FCHSD2: variants seen among roughly 807,000 people sequenced by gnomAD.
FCHSD2 encodes the protein F-BAR and double SH3 domains protein 2.
FCHSD2 carries 38 observed loss-of-function variants against 108.1 expected under a neutral mutation model. That is an observed-to-expected ratio of 0.35 (90% CI 0.27 to 0.46). FCHSD2 has a LOEUF of 0.46. FCHSD2 is among the 20% of genes least tolerant of loss of function. The pLI is 1.00. For synonymous variants in FCHSD2, 279 were observed against 314.7 expected, an observed-to-expected ratio of 0.89 and a Z score of 1.20; for missense variants, 751 against 897.8, an observed-to-expected ratio of 0.84 and a Z score of 2.09.
At chr11:72,999,870 CACACACACACACACACAA>C (rs1246403450) in intron 5 of FCHSD2, among the ~76,000 whole-genome samples, 25 of 16,658 alleles carry the variant, frequency 1.5e-3, no homozygotes, top group Non-Finnish European at 6.2e-3. Context: ...CAATCAGACA[CACACACACACACACACAA>C]ACACACACAC....
chr11:73,044,855 G>A (rs1033619974), intron 3 of FCHSD2, among the ~76,000 whole-genome samples: 2 of 152,128 alleles, frequency 1.3e-5, no homozygotes, highest in African/African-American at 4.8e-5. Flanking sequence ...TGGATCACGA[G>A]GTCAGGAGAT....
chr11:72,887,113 ATT>A (rs1462229874), intron 12 of FCHSD2, among the ~76,000 whole-genome samples: 3 of 151,538 alleles, frequency 2.0e-5, no homozygotes, highest in African/African-American at 7.3e-5. Flanking sequence ...CTCCATAGAT[ATT>A]GATATATAAG....
chr11:73,070,754 A>G (rs1268214527), intron 3 of FCHSD2, among the ~76,000 whole-genome samples: 1 of 152,004 alleles, frequency 6.6e-6, no homozygotes. Context: ...AAAAAAAGAA[A>G]TTGAACAAGT....
chr11:72,869,575 T>C (rs1437922214), intron 12 of FCHSD2: 1 of 152,168 alleles, frequency 6.6e-6, no homozygotes, highest in Non-Finnish European at 1.5e-5. Context: ...AATTTGTGTG[T>C]CATCCTTGCA....
intron 5 of FCHSD2, among the ~76,000 whole-genome samples, chr11:72,989,951 G>C (rs1431052364): frequency 6.6e-6 from 1 of 152,210 alleles, no homozygotes; most frequent in East Asian, 1.9e-4. Context: ...AGGGTGAATA[G>C]TGTGGAGGAG....
At chr11:73,088,645 C>T (rs1859881944) in intron 2 of FCHSD2, among the ~76,000 whole-genome samples, 1 of 152,048 alleles carries the variant, frequency 6.6e-6, no homozygotes, top group African/African-American at 2.4e-5. Context: ...CATGTACACA[C>T]ACTTTTTTTA....
intron 9 of FCHSD2, among the ~76,000 whole-genome samples, chr11:72,914,225 G>A (rs1343697877): frequency 6.6e-6 from 1 of 152,056 alleles, no homozygotes; most frequent in Non-Finnish European, 1.5e-5. Flanking sequence ...ATGTTGGCCA[G>A]ACTGATCTTG....
chr11:72,901,190 G>A (rs1855518031), intron 10 of FCHSD2, among the ~76,000 whole-genome samples: 1 of 152,016 alleles, frequency 6.6e-6, no homozygotes, highest in South Asian at 2.1e-4. Flanking sequence ...TCAGGAGTTC[G>A]AGACCAGCCT....
At position 72,901,872 on chromosome 11, in the gene FCHSD2, T is replaced by TTG. The variant is rs1555050896; in HGVS notation, c.924+670_924+671insCA. Among the ~76,000 whole-genome samples, 5 of 152,188 alleles carry TTG rather than the reference T, an allele frequency of 3.3e-5. 1 individual carries two copies. Among genetic ancestry groups the TTG allele is most frequent in the African/African-American group, 1.2e-4 (5 of 41,496 alleles). On this transcript the variant is annotated intron_variant, in intron 10 of 19. Coordinates refer to ENST00000409418, the MANE Select transcript of FCHSD2 (RefSeq NM_014824.3). ...TTTATTAATTCTATTCTGGTTTTTTTTTTGTTTGTTTGTTTGTTTTGAGAC... is the reference window on the plus strand; with the variant it reads ...TTTATTAATTCTATTCTGGTTTTTTTTGTTTGTTTGTTTGTTTGTTTTGAGAC...
chr11:73,046,119 T>C (rs1463750448), intron 3 of FCHSD2, among the ~76,000 whole-genome samples: 1 of 151,874 alleles, frequency 6.6e-6, no homozygotes, highest in African/African-American at 2.4e-5. Context: ...GCCTCTGAAG[T>C]AGCTGGGACT....
intron 3 of FCHSD2, among the ~76,000 whole-genome samples, chr11:73,053,050 T>C (rs1039860282): frequency 5.3e-5 from 8 of 151,914 alleles, no homozygotes; most frequent in African/African-American, 1.9e-4. Flanking sequence ...TTCACCATGT[T>C]GGCCAGACTA....
chr11:73,037,376 T>G (rs911423458), intron 3 of FCHSD2, among the ~76,000 whole-genome samples: 1 of 152,196 alleles, frequency 6.6e-6, no homozygotes, highest in Non-Finnish European at 1.5e-5. Flanking sequence ...TATCCATCAT[T>G]ACAGTATCAT....
chr11:73,093,138 ACT>A (rs1565406617), intron 2 of FCHSD2, among the ~76,000 whole-genome samples: 1 of 152,064 alleles, frequency 6.6e-6, no homozygotes, highest in African/African-American at 2.4e-5. Context: ...AATTGGCAAG[ACT>A]CTGTGCATAC....
At chr11:72,907,131 T>C (rs1006333874) in intron 9 of FCHSD2, among the ~76,000 whole-genome samples, 4 of 152,136 alleles carry the variant, frequency 2.6e-5, no homozygotes, top group Non-Finnish European at 4.4e-5. Flanking sequence ...GTTCACTCAT[T>C]ATTTGGCTCT....
At chr11:73,110,911 T>C (rs1226506183) in intron 2 of FCHSD2, among the ~76,000 whole-genome samples, 2 of 152,346 alleles carry the variant, frequency 1.3e-5, no homozygotes, top group East Asian at 1.9e-4. Context: ...ATTTCCTCCT[T>C]AATTTCTTCA....
chr11:73,130,948 T>C (rs900993724), intron 2 of FCHSD2, among the ~76,000 whole-genome samples: 3 of 152,198 alleles, frequency 2.0e-5, no homozygotes, highest in African/African-American at 4.8e-5. Flanking sequence ...TTTTCAAAAA[T>C]TCTCCCTCTC....
At chr11:72,992,765 G>T (rs1170846575) in intron 5 of FCHSD2, among the ~76,000 whole-genome samples, 2 of 152,148 alleles carry the variant, frequency 1.3e-5, no homozygotes, top group Non-Finnish European at 2.9e-5. Context: ...ATTCAAGATG[G>T]ATTAAAGACT....
chr11:72,887,305 C>T (rs1219620904), intron 12 of FCHSD2, among the ~76,000 whole-genome samples, 165 bp downstream of exon 12: 2 of 151,990 alleles, frequency 1.3e-5, no homozygotes, highest in Non-Finnish European at 1.5e-5. Context: ...ATATGTACTG[C>T]CTTCCACAGA....
intron 8 of FCHSD2, among the ~76,000 whole-genome samples, chr11:72,970,168 A>C (rs1482948918): frequency 1.3e-5 from 2 of 152,186 alleles, no homozygotes; most frequent in Non-Finnish European, 1.5e-5. Context: ...TAAAGCCACA[A>C]ATGGCTAAGA....
Sources: gnomAD v4.1 joint callset for allele counts (sites outside exome capture counted in the v4.1 genomes callset) on GRCh38, gnomAD v4.1.1 for gene constraint, MANE v1.5 for transcripts, NCBI Gene and HGNC (gene_info 2026-07-23, HGNC 2026-07-21) for gene names.